Variants in PCDH15 observed in about 807,000 individuals in gnomAD.
PCDH15 encodes the protein protocadherin-15.
PCDH15 carries 129 observed loss-of-function variants against 178.5 expected under a neutral mutation model. The ratio of observed to expected loss-of-function variants is 0.72; its 90% CI spans 0.63 to 0.84. The LOEUF (loss-of-function observed/expected upper bound fraction) is 0.84. Ranked by LOEUF, PCDH15 falls within the 40% of genes least tolerant of loss-of-function variation. The probability of loss-of-function intolerance (pLI) is 0.00; values close to 1 mark genes in which losing one functional copy is unlikely to be tolerated. For synonymous variants in PCDH15, 800 were observed against 732.0 expected (o/e 1.09, Z -1.50); for missense variants, 2,230 against 2,099.9 (o/e 1.06, Z -1.21).
chr10:53,904,857 C>T (rs1453077088), intron 25 of PCDH15, among the ~76,000 whole-genome samples: 1 of 152,110 alleles, frequency 6.6e-6, no homozygotes, highest in African/African-American at 2.4e-5. Flanking sequence ...TTTCCAATAA[C>T]TTCTTTGCAC....
intron 1 of PCDH15, among the ~76,000 whole-genome samples, chr10:55,251,345 G>A (rs780188920): frequency 3.9e-5 from 6 of 152,010 alleles, no homozygotes; most frequent in Non-Finnish European, 8.8e-5. Context: ...CATCACTGAA[G>A]CAATCGTACT....
At chr10:55,464,656 G>A (rs201084599) in intron 2 of PCDH15, among the ~76,000 whole-genome samples, 98 of 8,740 alleles carry the variant, frequency 0.011, no homozygotes, top group African/African-American at 0.025. Context: ...ATATATATAT[G>A]TGTGTGTGTG....
At chr10:54,472,213 A>G (rs117588887) in intron 3 of PCDH15, among the ~76,000 whole-genome samples, 1 of 152,160 alleles carries the variant, frequency 6.6e-6, no homozygotes, top group Non-Finnish European at 1.5e-5. Flanking sequence ...TGTTGTTTTA[A>G]CATGTTTCCC....
chr10:55,209,495 T>C (rs1458963383), intron 1 of PCDH15, among the ~76,000 whole-genome samples: 1 of 151,868 alleles, frequency 6.6e-6, no homozygotes, highest in African/African-American at 2.4e-5. Context: ...GTGAAGGTGA[T>C]GGATGAGGAC....
intron 1 of PCDH15, among the ~76,000 whole-genome samples, chr10:55,285,394 T>C (rs1481622476): frequency 9.2e-5 from 14 of 151,522 alleles, no homozygotes; most frequent in Admixed American, 8.6e-4. Flanking sequence ...ATTATTATGA[T>C]TTGTCCAAAT....
chr10:54,484,821 G>A (rs11004334), intron 3 of PCDH15, among the ~76,000 whole-genome samples: 8,943 of 151,874 alleles, frequency 0.059, 503 homozygotes, highest in African/African-American at 0.14. Flanking sequence ...AAGAAGCCTT[G>A]TTTGATAGTG....
At chr10:55,093,571 G>T (rs1842370360) in intron 2 of PCDH15, among the ~76,000 whole-genome samples, 1 of 468 alleles carries the variant, frequency 2.1e-3, no homozygotes, top group South Asian at 0.05. Context: ...TGTCCTGAAT[G>T]GTTTTGCTAG....
intron 2 of PCDH15, among the ~76,000 whole-genome samples, chr10:54,999,535 G>A (rs1047464684): frequency 1.3e-5 from 2 of 152,048 alleles, no homozygotes; most frequent in East Asian, 3.9e-4. Flanking sequence ...TAATTATGAC[G>A]GCTGCGATGG....
At chr10:54,599,248 T>A (rs2092403942) in intron 2 of PCDH15, among the ~76,000 whole-genome samples, 1 of 152,128 alleles carries the variant, frequency 6.6e-6, no homozygotes, top group Non-Finnish European at 1.5e-5. Context: ...GCTACCTGAC[T>A]TCAAACTATC....
rs115205528 is a variant in PCDH15 at position 54,821,891 on chromosome 10, C to T, written c.-29+75559G>A. On this transcript the variant is annotated intron_variant, in intron 3 of 5. Coordinates refer to the PCDH15 transcript ENST00000458638. ...TTGGTATGGTGATTAATCTTAAACA[C>T]GCTTTGAATTTTTAGTATTCATCAA... Among the ~76,000 whole-genome samples the T allele has an allele frequency of 7.5e-3, 1,139 of 152,106 alleles. 17 individuals are homozygous for T. The highest frequency in any genetic ancestry group is 0.026 in the African/African-American group (1,061 of 41,520).
chr10:54,429,875 A>C (rs1956756463), intron 3 of PCDH15, among the ~76,000 whole-genome samples: 1 of 152,138 alleles, frequency 6.6e-6, no homozygotes, highest in Admixed American at 6.5e-5. Flanking sequence ...TATAGACCCC[A>C]ATACAACAAT....
intron 2 of PCDH15, among the ~76,000 whole-genome samples, chr10:55,521,050 T>G (rs1269655570): frequency 6.6e-6 from 1 of 151,914 alleles, no homozygotes; most frequent in Admixed American, 6.6e-5. Context: ...TCCCCAGAAT[T>G]TATTTGATTA....
chr10:53,812,743 C>T (rs1588887892), intron 35 of PCDH15, among the ~76,000 whole-genome samples: 2 of 152,008 alleles, frequency 1.3e-5, no homozygotes, highest in Admixed American at 1.3e-4. Context: ...GGTTAAATGA[C>T]AAAGGTTAAC....
rs187145717 is a variant in PCDH15, at chr10:54,053,651, C to T, written c.2220+13106G>A. Among the ~76,000 whole-genome samples the T allele has an allele frequency of 5.2e-3, 787 of 152,112 alleles. 7 individuals are homozygous for T. The highest frequency in any genetic ancestry group is 0.031 in the Middle Eastern group (9 of 292). ...ATCAAGGTGGGGGTATAAACAGATG[C>T]AAAGAGACATATATTAGCAATTGTG... On this transcript the variant is annotated intron_variant, in intron 18 of 37. Transcript: ENST00000644397.
chr10:55,272,073 A>G (rs1164071367), intron 1 of PCDH15, among the ~76,000 whole-genome samples: 1 of 152,062 alleles, frequency 6.6e-6, no homozygotes, highest in Non-Finnish European at 1.5e-5. Context: ...AAATATACCT[A>G]TGTGTTTTTT....
intron 8 of PCDH15, among the ~76,000 whole-genome samples, chr10:54,239,432 T>TATAGAGAGAGAG (rs1554853331): frequency 7.7e-4 from 116 of 150,560 alleles, no homozygotes; most frequent in African/African-American, 1.4e-3. Context: ...TATATATATA[T>TATAGAGAGAGAG]AGAGTAAGAA....
intron 18 of PCDH15, among the ~76,000 whole-genome samples, chr10:54,065,007 A>C (rs957624825): frequency 3.3e-5 from 5 of 152,174 alleles, no homozygotes; most frequent in Non-Finnish European, 7.3e-5. Flanking sequence ...CCTCTGCTGT[A>C]GCTGGTGTCT....
intron 2 of PCDH15, among the ~76,000 whole-genome samples, chr10:55,435,361 C>T (rs1160499101): frequency 6.6e-6 from 1 of 151,816 alleles, no homozygotes; most frequent in Non-Finnish European, 1.5e-5. Flanking sequence ...GTATTTTTAC[C>T]TCGCATTTTT....
intron 2 of PCDH15, among the ~76,000 whole-genome samples, chr10:55,392,246 C>A (rs778121873): frequency 1.3e-4 from 20 of 152,228 alleles, no homozygotes; most frequent in Middle Eastern, 6.8e-3. Context: ...ATAGAGTGAG[C>A]ACATTCTCTT....
Sources: gnomAD v4.1 joint callset for allele counts (sites outside exome capture counted in the v4.1 genomes callset) on GRCh38, gnomAD v4.1.1 for gene constraint, MANE v1.5 for transcripts, NCBI Gene and HGNC (gene_info 2026-07-23, HGNC 2026-07-21) for gene names.